Variants in SNAP47 observed in about 807,000 individuals in gnomAD.
The protein encoded by SNAP47 is synaptosome associated protein 47.
Under a neutral mutation model 31.4 loss-of-function variants are expected in SNAP47, and 20 were observed. That is an observed-to-expected ratio of 0.64 (90% CI 0.45 to 0.93). The LOEUF (loss-of-function observed/expected upper bound fraction) is 0.93. SNAP47 is among the 40% of genes least tolerant of loss of function. SNAP47 has a pLI of 0.00. For missense variants in SNAP47, 492 were observed against 528.5 expected, an observed-to-expected ratio of 0.93 and a Z score of 0.68; for synonymous variants, 194 against 213.4, an observed-to-expected ratio of 0.91 and a Z score of 0.79.
chr1:227,732,425 C>T, upstream of SNAP47: 1 of 1,613,136 alleles, frequency 6.2e-7, no homozygotes, highest in Middle Eastern at 1.7e-4. Context: ...CAGCCTCTCT[C>T]AGCTGCTGCA....
chr1:227,742,078 G>A (rs560387497), intron 1 of SNAP47, among the ~76,000 whole-genome samples: 2 of 150,960 alleles, frequency 1.3e-5, no homozygotes, highest in South Asian at 4.2e-4. Flanking sequence ...TGTGCACAAT[G>A]TGCAGGTTAG....
At chr1:227,738,555 CTTT>C (rs1661389172) in intron 1 of SNAP47, among the ~76,000 whole-genome samples, 1 of 152,106 alleles carries the variant, frequency 6.6e-6, no homozygotes, top group Non-Finnish European at 1.5e-5. Flanking sequence ...TGCTTTTAGT[CTTT>C]TGTTTTTTAT....
intron 3 of SNAP47, among the ~76,000 whole-genome samples, chr1:227,766,576 TC>T (rs1207282881): frequency 6.6e-6 from 1 of 152,244 alleles, no homozygotes; most frequent in Non-Finnish European, 1.5e-5. Flanking sequence ...CTCCAGAACC[TC>T]AGCCTTCTGC....
chr1:227,763,752 G>T lies in SNAP47; in HGVS notation c.989-3207G>T, dbSNP rs1008354598. On this transcript the variant is annotated intron_variant, in intron 3 of 4. Coordinates refer to ENST00000617596, the MANE Select transcript of SNAP47 (RefSeq NM_053052.4). This position sits in a 1 kb window ranked among gnomAD's most constrained non-coding sequence, Gnocchi z 4.2. ...CTCCCTACGCTGTCCTTACCTGTGCGCTAGCTTCACAGGCCCACTAGGCCC... is the reference window on the plus strand; with the variant it reads ...CTCCCTACGCTGTCCTTACCTGTGCTCTAGCTTCACAGGCCCACTAGGCCC... 6.6e-5 allele frequency among the ~76,000 whole-genome samples: 10 copies of T among 152,190 alleles called. No homozygotes were observed. The highest frequency in any genetic ancestry group is 1.9e-4 in the African/African-American group (8 of 41,438).
rs73093354 is a variant in SNAP47 at position 227,765,996 on chromosome 1, G to A, written c.989-963G>A. ...ATTTAGGGAGTGATAGGCTAGAGGG[G>A]GTATGCCCTTGGCCCCAGCAAGAGT... On this transcript the variant is annotated intron_variant, in intron 3 of 4. Transcript: ENST00000617596. 8.1e-3 allele frequency among the ~76,000 whole-genome samples: 1,231 copies of A among 152,268 alleles called. 20 individuals carry two copies. The highest frequency in any genetic ancestry group is 0.028 in the African/African-American group (1,170 of 41,550).
rs535288415 is a variant in SNAP47 at position 227,751,756 on chromosome 1, T to G, written c.497+3523T>G. ...ACATAAAGACTTGGTTTTTTTTTTT[T>G]TTTTTTTTTTTTTTTTTTTTTTTTT... is the stretch of plus-strand genomic sequence containing the variant. On this transcript the variant is annotated intron_variant, in intron 2 of 4. Transcript: ENST00000617596. Among the ~76,000 whole-genome samples the G allele has an allele frequency of 9.6e-4, 57 of 59,302 alleles. 1 individual carries two copies. The highest frequency in any genetic ancestry group is 3.0e-3 in the African/African-American group (49 of 16,238). The allele number at this position is 59,302 out of a possible 152,430, so 38.9% of individuals were successfully genotyped here. A position where few individuals can be genotyped will look rare whatever the true frequency, so the allele number is the denominator to read the frequency against.
chr1:227,728,991 C>T (rs1175681902), intron 1 of SNAP47, among the ~76,000 whole-genome samples: 1 of 152,198 alleles, frequency 6.6e-6, no homozygotes, highest in Non-Finnish European at 1.5e-5. Flanking sequence ...CGAGCTGCGG[C>T]TCTCTAGGTG....
In SNAP47 at chr1:227,780,831, C is replaced by T; in HGVS notation, c.*158C>T. The T allele has an allele frequency of 4.0e-6, 4 of 1,012,088 alleles. No homozygotes were observed. The South Asian group carries it at 6.6e-5, about 17-fold the overall frequency. 62.7% of individuals were successfully genotyped at this position (1,012,088 alleles called of 1,614,324 possible). Reference sequence around the variant, plus strand: ...GGGCTGCTTCTGCACCAGGGGCCTCCCCAGGTGTGCACCATGCCTGCCTCC... The same window carrying T: ...GGGCTGCTTCTGCACCAGGGGCCTCTCCAGGTGTGCACCATGCCTGCCTCC... On this transcript the variant is annotated 3_prime_UTR_variant, in exon 5 of 5. Coordinates refer to ENST00000617596, the MANE Select transcript of SNAP47 (RefSeq NM_053052.4).
intron 1 of SNAP47, among the ~76,000 whole-genome samples, chr1:227,736,699 T>G (rs1324889260): frequency 7.8e-4 from 114 of 146,252 alleles, no homozygotes; most frequent in African/African-American, 2.8e-3. Flanking sequence ...TTTTTTTTTT[T>G]TTTTTGTAGA....
upstream of SNAP47, chr1:227,733,000 A>C: frequency 1.9e-6 from 3 of 1,613,468 alleles, no homozygotes; most frequent in Non-Finnish European, 2.5e-6. Flanking sequence ...CCATTGACCC[A>C]GTTGTGGTTG....
intron 3 of SNAP47, among the ~76,000 whole-genome samples, chr1:227,764,999 A>G (rs1329702483): frequency 1.3e-5 from 2 of 152,248 alleles, no homozygotes; most frequent in African/African-American, 2.4e-5. Context: ...CACTCGAGCC[A>G]GGAGTTTGAG....
At position 227,741,005 on chromosome 1, in the gene SNAP47, G is replaced by A. The variant is rs1012067036; in HGVS notation, c.-46+5506G>A. 8.8e-5 allele frequency among the ~76,000 whole-genome samples: 13 copies of A among 147,544 alleles called. No homozygotes were observed. The highest frequency in any genetic ancestry group is 3.5e-4 in the African/African-American group (13 of 37,438). On this transcript the variant is annotated intron_variant, in intron 1 of 4. Transcript: ENST00000617596. This position sits in a 1 kb window ranked among gnomAD's most constrained non-coding sequence, Gnocchi z 4.2. ...GTGCCTGTTAGGGTCAGGGACAGAT[G>A]CCCAGCGGGTGATAGGGGAGGGCCT... is the stretch of plus-strand genomic sequence containing the variant.
intron 4 of SNAP47, chr1:227,775,825 T>C: frequency 1.5e-6 from 2 of 1,304,172 alleles, no homozygotes; most frequent in Non-Finnish European, 2.0e-6. Flanking sequence ...CCAGACAGTG[T>C]TGGTGATGCT....
intron 1 of SNAP47, among the ~76,000 whole-genome samples, chr1:227,738,531 A>G (rs1031506490): frequency 6.6e-6 from 1 of 152,212 alleles, no homozygotes; most frequent in African/African-American, 2.4e-5. Flanking sequence ...TAATATACAT[A>G]TATAAACTTT....
chr1:227,734,989 G>A, upstream of SNAP47: 2 of 1,511,532 alleles, frequency 1.3e-6, no homozygotes, highest in Non-Finnish European at 1.8e-6. Flanking sequence ...CTCCCCGCCC[G>A]GGGTCTGCGG....
At chr1:227,751,309 A>G (rs906468045) in intron 2 of SNAP47, among the ~76,000 whole-genome samples, 2 of 151,580 alleles carry the variant, frequency 1.3e-5, no homozygotes, top group Non-Finnish European at 2.9e-5. Context: ...CAGCCCCACC[A>G]CCTGTCCCAC....
intron 4 of SNAP47, among the ~76,000 whole-genome samples, chr1:227,769,601 A>G (rs750401222): frequency 1.9e-4 from 29 of 152,202 alleles, no homozygotes; most frequent in Non-Finnish European, 3.2e-4. Flanking sequence ...GTGGGTTGCA[A>G]CTGGGGGTGC....
At chr1:227,734,943 C>CG, upstream of SNAP47, 1 of 1,497,714 alleles carries the variant, frequency 6.7e-7, no homozygotes, top group Non-Finnish European at 8.9e-7. Flanking sequence ...CCTCTCTAGG[C>CG]GGGGGCCTCC....
upstream of SNAP47, chr1:227,734,879 C>A: frequency 1.3e-6 from 2 of 1,595,504 alleles, no homozygotes; most frequent in Non-Finnish European, 1.7e-6. Context: ...AAACCGTCTG[C>A]AGAGGAACTC....
Sources: allele counts gnomAD v4.1 joint callset (sites outside exome capture counted in the v4.1 genomes callset), GRCh38; gene constraint gnomAD v4.1.1; non-coding constraint Gnocchi (gnomAD v3.1); transcripts MANE v1.5; gene names NCBI Gene and HGNC (gene_info 2026-07-23, HGNC 2026-07-21).